GHR: variants seen among roughly 807,000 people sequenced by gnomAD.
GHR encodes the protein GH receptor.
A neutral mutation model predicts 67.1 loss-of-function variants in GHR; 35 were observed. The observed-to-expected ratio is 0.52, with a 90% CI of 0.40 to 0.69. The LOEUF (loss-of-function observed/expected upper bound fraction) is 0.69, where lower values mean the gene tolerates loss of function less well. Among genes scored for constraint, GHR ranks in the 30% least tolerant of loss-of-function variants. The pLI is 0.00. For missense variants in GHR, 792 were observed against 764.6 expected, an observed-to-expected ratio of 1.04 and a Z score of -0.42; for synonymous variants, 272 against 269.1, an observed-to-expected ratio of 1.01 and a Z score of -0.10.
At chr5:42,663,868 C>A (rs1461012119) in intron 3 of GHR, among the ~76,000 whole-genome samples, 1 of 152,148 alleles carries the variant, frequency 6.6e-6, no homozygotes, top group Non-Finnish European at 1.5e-5. Flanking sequence ...CCCAAAATCT[C>A]CTTAAGCTGA....
chr5:42,521,258 C>T (rs946080019), intron 1 of GHR, among the ~76,000 whole-genome samples: 1 of 152,168 alleles, frequency 6.6e-6, no homozygotes, highest in Non-Finnish European at 1.5e-5. Flanking sequence ...GCCTTGGATT[C>T]GCCAAAAATT....
At chr5:42,591,206 G>A (rs1442060467) in intron 2 of GHR, among the ~76,000 whole-genome samples, 1 of 152,246 alleles carries the variant, frequency 6.6e-6, no homozygotes, top group Non-Finnish European at 1.5e-5. Context: ...GTTGTCTGTA[G>A]GAGCTGTGCA....
At chr5:42,462,807 T>C (rs1019569162) in intron 1 of GHR, among the ~76,000 whole-genome samples, 1 of 152,100 alleles carries the variant, frequency 6.6e-6, no homozygotes, top group African/African-American at 2.4e-5. Flanking sequence ...AGTTTTATAA[T>C]GGGGATATAT....
chr5:42,690,530 T>C (rs1437314729), intron 4 of GHR, among the ~76,000 whole-genome samples: 1 of 152,242 alleles, frequency 6.6e-6, no homozygotes, highest in African/African-American at 2.4e-5. Context: ...ATCCAGTTCC[T>C]GGACTATAAA....
At chr5:42,524,756 G>A (rs13168764) in intron 1 of GHR, among the ~76,000 whole-genome samples, 27,997 of 152,176 alleles carry the variant, frequency 0.18, 2,904 homozygotes, top group Non-Finnish European at 0.21. Flanking sequence ...TCCCTGTGCT[G>A]TATGCAGCCT....
chr5:42,484,764 T>A (rs1291343716), intron 1 of GHR, among the ~76,000 whole-genome samples: 1 of 152,220 alleles, frequency 6.6e-6, no homozygotes, highest in African/African-American at 2.4e-5. Context: ...AAAAGGTTAA[T>A]CAAAAGCTCA....
intron 1 of GHR, among the ~76,000 whole-genome samples, chr5:42,503,897 A>G (rs1356354895): frequency 6.6e-6 from 1 of 152,210 alleles, no homozygotes; most frequent in Non-Finnish European, 1.5e-5. Flanking sequence ...GAAACTGATT[A>G]GGACTCTTAG....
At chr5:42,674,637 T>A (rs536434864) in intron 3 of GHR, among the ~76,000 whole-genome samples, 1 of 152,300 alleles carries the variant, frequency 6.6e-6, no homozygotes, top group East Asian at 1.9e-4. Flanking sequence ...TTCTATCACA[T>A]AGCAACATAT....
At position 42,677,935 on chromosome 5, in the gene GHR, A is replaced by G. The variant is rs532942496; in HGVS notation, c.137-10955A>G. Reference sequence around the variant, plus strand: ...AAATTTCAAATTAGCAATGTTCATCATTTGCTCTTCCTAGGTAACAACAGT... The same window carrying G: ...AAATTTCAAATTAGCAATGTTCATCGTTTGCTCTTCCTAGGTAACAACAGT... On this transcript the variant is annotated intron_variant, in intron 3 of 9. Transcript: ENST00000230882. Among the ~76,000 whole-genome samples the G allele has an allele frequency of 2.0e-5, 3 of 152,286 alleles. No individual in the cohort carries two copies. In the East Asian group the frequency reaches 5.8e-4, roughly 29 times the overall value.
intron 1 of GHR, among the ~76,000 whole-genome samples, chr5:42,497,256 A>T (rs916861138): frequency 6.6e-6 from 1 of 152,062 alleles, no homozygotes; most frequent in African/African-American, 2.4e-5. Flanking sequence ...GCATTCTTTG[A>T]CTTTCCTTGC....
intron 2 of GHR, among the ~76,000 whole-genome samples, chr5:42,626,866 A>C (rs1268001742): frequency 6.6e-6 from 1 of 152,194 alleles, no homozygotes; most frequent in East Asian, 1.9e-4. Flanking sequence ...AATAACTTAG[A>C]GGTAACGTGA....
intron 3 of GHR, among the ~76,000 whole-genome samples, chr5:42,634,916 T>TTTA (rs1157519406): frequency 6.6e-6 from 1 of 152,098 alleles, no homozygotes; most frequent in Non-Finnish European, 1.5e-5. Flanking sequence ...TAGCTGATAA[T>TTTA]TTAACTAAAT....
chr5:42,450,722 T>C (rs188916401), intron 1 of GHR, among the ~76,000 whole-genome samples: 162 of 152,250 alleles, frequency 1.1e-3, no homozygotes, highest in African/African-American at 3.7e-3. Context: ...GGTGTGACCT[T>C]AGATTGTCTA....
chr5:42,541,437 G>A (rs373344957), intron 1 of GHR, among the ~76,000 whole-genome samples: 11 of 152,132 alleles, frequency 7.2e-5, no homozygotes, highest in East Asian at 3.8e-4. Context: ...CAAGAAGAAC[G>A]TAGTGGTAAA....
chr5:42,715,100 A>G (rs1264048711), intron 8 of GHR: 1 of 367,472 alleles, frequency 2.7e-6, no homozygotes, highest in Admixed American at 3.3e-5. Flanking sequence ...GAAATGCTTA[A>G]CTATAATGTT....
intron 3 of GHR, among the ~76,000 whole-genome samples, chr5:42,656,303 T>C (rs1580136068): frequency 6.6e-6 from 1 of 152,332 alleles, no homozygotes; most frequent in East Asian, 1.9e-4. Flanking sequence ...AAACAACACA[T>C]ATAAATAAAC....
intron 1 of GHR, among the ~76,000 whole-genome samples, chr5:42,509,610 A>T (rs1177137151): frequency 6.6e-6 from 1 of 152,170 alleles, no homozygotes; most frequent in Admixed American, 6.5e-5. Context: ...ATATTCAAGG[A>T]CATTAGCTCA....
intron 1 of GHR, among the ~76,000 whole-genome samples, chr5:42,537,595 G>A (rs1449114940): frequency 6.6e-6 from 1 of 152,100 alleles, no homozygotes; most frequent in Admixed American, 6.6e-5. Flanking sequence ...TATTCTTGGA[G>A]AAAGTTCCAT....
intron 1 of GHR, among the ~76,000 whole-genome samples, chr5:42,501,708 G>A (rs1401019741): frequency 1.3e-5 from 2 of 152,172 alleles, no homozygotes; most frequent in African/African-American, 4.8e-5. Flanking sequence ...GTCACCTGGG[G>A]AGAAAATCTT....
Sources: gnomAD v4.1 joint callset for allele counts (sites outside exome capture counted in the v4.1 genomes callset) on GRCh38, gnomAD v4.1.1 for gene constraint, MANE v1.5 for transcripts, NCBI Gene and HGNC (gene_info 2026-07-23, HGNC 2026-07-21) for gene names.